KLHL5: variants seen among roughly 807,000 people sequenced by gnomAD.
KLHL5 encodes the protein kelch-like protein 5.
Under a neutral mutation model 77.7 loss-of-function variants are expected in KLHL5, and 48 were observed. That is an observed-to-expected ratio of 0.62 (90% CI 0.49 to 0.79). The LOEUF (loss-of-function observed/expected upper bound fraction) is 0.79. Ranked by LOEUF, KLHL5 falls within the 30% of genes least tolerant of loss-of-function variation. The probability of loss-of-function intolerance (pLI) is 0.00; values close to 1 mark genes in which losing one functional copy is unlikely to be tolerated. For synonymous variants in KLHL5, 260 were observed against 297.0 expected, an observed-to-expected ratio of 0.88 and a Z score of 1.28; for missense variants, 723 against 859.7, an observed-to-expected ratio of 0.84 and a Z score of 1.99.
upstream of KLHL5, among the ~76,000 whole-genome samples, chr4:39,060,374 TTTGC>T (rs1481791384): frequency 3.3e-5 from 5 of 152,154 alleles, no homozygotes; most frequent in African/African-American, 1.2e-4. Context: ...TTGCCAGATG[TTTGC>T]TGTCTCTGGC....
chr4:39,044,844 C>T (rs1280810007), upstream of KLHL5: 1 of 584,284 alleles, frequency 1.7e-6, no homozygotes, highest in Non-Finnish European at 2.2e-6. Flanking sequence ...CCCCTACCCC[C>T]ACCTACTCGC....
chr4:39,117,254 A>T (rs1332328026), intron 10 of KLHL5, among the ~76,000 whole-genome samples: 1 of 152,110 alleles, frequency 6.6e-6, no homozygotes, highest in Non-Finnish European at 1.5e-5. Context: ...AACCATGATC[A>T]TGACACTGCA....
chr4:39,045,832 C>CA (rs1215883574), intron 1 of KLHL5, among the ~76,000 whole-genome samples: 2 of 151,310 alleles, frequency 1.3e-5, no homozygotes, highest in African/African-American at 2.4e-5. Flanking sequence ...CCCACCCCTG[C>CA]ACCCTCCCAA....
chr4:39,060,823 T>G (rs577893912), upstream of KLHL5, among the ~76,000 whole-genome samples: 169 of 152,298 alleles, frequency 1.1e-3, 2 homozygotes, highest in Non-Finnish European at 1.3e-3. Flanking sequence ...TACTGCCAAG[T>G]TAATTTCCTA....
At chr4:39,051,958 A>G (rs545643683) in intron 1 of KLHL5, among the ~76,000 whole-genome samples, 1 of 152,310 alleles carries the variant, frequency 6.6e-6, no homozygotes, top group African/African-American at 2.4e-5. Context: ...CAGTTGAGGT[A>G]CCTAGTTTTA....
At chr4:39,061,859 T>A (rs1249759676), upstream of KLHL5, among the ~76,000 whole-genome samples, 3 of 152,240 alleles carry the variant, frequency 2.0e-5, no homozygotes, top group Non-Finnish European at 2.9e-5. Context: ...GTTTTCAAAC[T>A]TTTTATTCTC....
intron 1 of KLHL5, among the ~76,000 whole-genome samples, chr4:39,067,834 C>G (rs1203308834): frequency 2.0e-5 from 3 of 152,018 alleles, no homozygotes; most frequent in Non-Finnish European, 2.9e-5. Flanking sequence ...GCACGTACCA[C>G]CATGCCTAGC....
chr4:39,097,426 A>G (rs1244366926), intron 6 of KLHL5, among the ~76,000 whole-genome samples: 1 of 152,242 alleles, frequency 6.6e-6, no homozygotes, highest in Non-Finnish European at 1.5e-5. Context: ...AAAATAGTGT[A>G]TTTACAGTAG....
intron 1 of KLHL5, among the ~76,000 whole-genome samples, chr4:39,073,363 G>A (rs1718673716): frequency 7.0e-6 from 1 of 143,270 alleles, no homozygotes; most frequent in Non-Finnish European, 1.5e-5. Flanking sequence ...TAGCATCTGT[G>A]TTAGATGATG....
chr4:39,087,484 T>G (rs745458178), intron 5 of KLHL5, among the ~76,000 whole-genome samples: 2 of 152,222 alleles, frequency 1.3e-5, no homozygotes, highest in African/African-American at 2.4e-5. Flanking sequence ...CAGCTGAGTT[T>G]CTTCATCTGT....
intron 6 of KLHL5, among the ~76,000 whole-genome samples, chr4:39,100,548 G>A (rs1265513917): frequency 6.6e-6 from 1 of 152,050 alleles, no homozygotes; most frequent in African/African-American, 2.4e-5. Context: ...TTATAGATAG[G>A]GAAGCTAAGA....
chr4:39,104,628 T>C (rs898724997), intron 7 of KLHL5, among the ~76,000 whole-genome samples: 3 of 152,268 alleles, frequency 2.0e-5, no homozygotes, highest in South Asian at 2.1e-4. Context: ...CTGCAGCAAG[T>C]TGAAAGGAAA....
In KLHL5 at chr4:39,115,322, T is replaced by G; in HGVS notation, c.2065T>G (p.Trp689Gly). 1 of 1,613,938 alleles carries G rather than the reference T, an allele frequency of 6.2e-7. No individual in the cohort carries two copies. Among genetic ancestry groups the G allele is most frequent in the Middle Eastern group, 1.6e-4 (1 of 6,062 alleles). The change falls in exon 10 of 11, where the codon TGG becomes GGG. Residue 689 changes from tryptophan to glycine, a missense_variant. Transcript: ENST00000504108. ...GGCTTATGATCCCCAGACAAATGAG[T>G]GGACCCAGGTATGGCATTCATGTTT... ...VEAYDPQTNE[W>G]TQVAPLCLGR...
chr4:39,067,155 C>T (rs1013626078), intron 1 of KLHL5, among the ~76,000 whole-genome samples: 1 of 152,122 alleles, frequency 6.6e-6, no homozygotes, highest in Admixed American at 6.5e-5. Context: ...TCCAAGATAT[C>T]GCATTACATT....
chr4:39,115,322 T>A lies in KLHL5; in HGVS notation c.2065T>A (p.Trp689Arg). ...GGCTTATGATCCCCAGACAAATGAG[T>A]GGACCCAGGTATGGCATTCATGTTT... ...VEAYDPQTNE[W>R]TQVAPLCLGR... Residue 689 changes from tryptophan (W) to arginine (R), a missense_variant, in exon 10 of 11, where the codon TGG (tryptophan) becomes AGG (arginine). By Grantham distance (101) the Trp-to-Arg change is moderately radical. This residue lies in a region of KLHL5 where 214 missense variants were observed against 237.4 expected (regional missense o/e 0.90). Coordinates refer to ENST00000504108, the MANE Select transcript of KLHL5 (RefSeq NM_015990.5). The A allele has an allele frequency of 6.2e-7, 1 of 1,613,938 alleles. No homozygotes were observed.
At chr4:39,066,732 A>C (rs1236271427) in intron 1 of KLHL5, among the ~76,000 whole-genome samples, 1 of 152,160 alleles carries the variant, frequency 6.6e-6, no homozygotes, top group African/African-American at 2.4e-5. Flanking sequence ...GTGCTTCCTA[A>C]CTGTGAGGCA....
At chr4:39,059,474 C>T (rs1295839464), upstream of KLHL5, among the ~76,000 whole-genome samples, 2 of 152,092 alleles carry the variant, frequency 1.3e-5, no homozygotes, top group African/African-American at 2.4e-5. Flanking sequence ...TGGCCAAGCA[C>T]GGTGGCTCAC....
chr4:39,059,512 C>T (rs1254353412), upstream of KLHL5, among the ~76,000 whole-genome samples: 3 of 152,042 alleles, frequency 2.0e-5, no homozygotes, highest in Non-Finnish European at 2.9e-5. Context: ...TTTGGGAGGC[C>T]GAGGTGGGCC....
the KLHL5 span, among the ~76,000 whole-genome samples, chr4:39,134,679 A>G: frequency 6.6e-6 from 1 of 152,252 alleles, no homozygotes; most frequent in Non-Finnish European, 1.5e-5. Context: ...CTGAATGGAT[A>G]CACACACAGA....
Sources: gnomAD v4.1 joint callset for allele counts (sites outside exome capture counted in the v4.1 genomes callset) on GRCh38, gnomAD v4.1.1 for gene constraint, gnomAD v4.1.1 regional missense constraint, MANE v1.5 for transcripts, NCBI Gene and HGNC (gene_info 2026-07-23, HGNC 2026-07-21) for gene names.